ZFP1: variants seen among roughly 807,000 people sequenced by gnomAD.
ZFP1 encodes ZFP1 zinc finger protein.
ZFP1 carries 32 observed loss-of-function variants against 38.5 expected under a neutral mutation model. That is an observed-to-expected ratio of 0.83 (90% CI 0.63 to 1.12). The LOEUF is 1.12. ZFP1 is among the 50% of genes most tolerant of loss of function. The pLI, the probability that ZFP1 is intolerant of heterozygous loss-of-function variation, is 0.00. For missense variants in ZFP1, 616 were observed against 480.8 expected (o/e 1.28, Z -2.63); for synonymous variants, 245 against 168.8 (o/e 1.45, Z -3.50).
At position 75,165,399 on chromosome 16, in the gene ZFP1, C is replaced by T. The variant is rs1597077103; in HGVS notation, c.16-1371C>T. Among the ~76,000 whole-genome samples the T allele has an allele frequency of 3.9e-5, 6 of 152,130 alleles. No individual in the cohort carries two copies. The South Asian group carries it at 1.2e-3, about 32-fold the overall frequency. On this transcript the variant is annotated intron_variant, in intron 2 of 3. Coordinates refer to ENST00000570010, the MANE Select transcript of ZFP1 (RefSeq NM_153688.4). Reference sequence around the variant, plus strand: ...CTGAAGGCAATACCTGTTTTTTCCTCTGGGTTTTTTTCTGAGACAGAGTCT... The same window carrying T: ...CTGAAGGCAATACCTGTTTTTTCCTTTGGGTTTTTTTCTGAGACAGAGTCT...
the ZFP1 span, among the ~76,000 whole-genome samples, chr16:75,136,311 A>G: frequency 1.3e-5 from 2 of 152,210 alleles, no homozygotes; most frequent in Non-Finnish European, 2.9e-5. Flanking sequence ...AAGGAACTAC[A>G]TGTCAGTACT....
the ZFP1 span, among the ~76,000 whole-genome samples, chr16:75,140,954 A>G: frequency 4.0e-5 from 6 of 151,890 alleles, no homozygotes; most frequent in African/African-American, 9.7e-5. Flanking sequence ...GCAAGACTCC[A>G]TCTCAAAAAA....
chr16:75,170,130 C>G lies in ZFP1; in HGVS notation c.1020C>G (p.Ile340Met). Residue 340 changes from isoleucine (I) to methionine (M), a missense_variant, in exon 4 of 4, where the codon ATC becomes ATG. By Grantham distance (10) the Ile-to-Met change is conservative. Coordinates refer to ENST00000570010, the MANE Select transcript of ZFP1 (RefSeq NM_153688.4). ...GKSFIQNSQL[I>M]IHMRTHTGEK... is the part of the protein sequence containing the mutation. ...CCTTTATCCAGAACTCACAGCTCAT[C>G]ATACACATGAGAACTCATACAGGAG... The G allele has an allele frequency of 1.2e-6, 2 of 1,614,020 alleles. No individual in the cohort carries two copies. The highest frequency in any genetic ancestry group is 2.7e-5 in the African/African-American group (2 of 75,044).
At chr16:75,156,325 C>T (rs888439990) in intron 2 of ZFP1, among the ~76,000 whole-genome samples, 12 of 152,242 alleles carry the variant, frequency 7.9e-5, no homozygotes, top group African/African-American at 2.6e-4. Flanking sequence ...GGCGTGGTAG[C>T]ATGCGCCTGT....
At chr16:75,162,189 C>A (rs1041825532) in intron 2 of ZFP1, among the ~76,000 whole-genome samples, 2 of 152,048 alleles carry the variant, frequency 1.3e-5, no homozygotes, top group African/African-American at 4.8e-5. Flanking sequence ...GTGGTGCAAT[C>A]TCAGCTCACT....
chr16:75,153,993 C>G (rs964998634), intron 2 of ZFP1, among the ~76,000 whole-genome samples: 1 of 152,090 alleles, frequency 6.6e-6, no homozygotes, highest in Admixed American at 6.5e-5. Flanking sequence ...TAGAAATATG[C>G]ATTTAAGGTT....
chr16:75,131,146 T>C, the ZFP1 span, among the ~76,000 whole-genome samples: 2 of 152,152 alleles, frequency 1.3e-5, no homozygotes, highest in Non-Finnish European at 2.9e-5. Context: ...CTCCAGGCTT[T>C]CCACCTGGCC....
the ZFP1 span, among the ~76,000 whole-genome samples, chr16:75,120,812 G>C: frequency 6.7e-6 from 1 of 148,654 alleles, no homozygotes; most frequent in East Asian, 1.9e-4. Flanking sequence ...ATTTTTAGTA[G>C]AGACGGGTTT....
At chr16:75,124,168 T>G in the ZFP1 span, among the ~76,000 whole-genome samples, 2 of 143,476 alleles carry the variant, frequency 1.4e-5, no homozygotes, top group South Asian at 2.2e-4. Context: ...TAATTGAAAG[T>G]TTTTTTTTTT....
the ZFP1 span, among the ~76,000 whole-genome samples, chr16:75,124,793 A>G: frequency 6.7e-6 from 1 of 148,552 alleles, no homozygotes; most frequent in South Asian, 2.1e-4. Context: ...TCTCAAAAAA[A>G]AAAAAAAAAG....
chr16:75,167,660 T>C (rs2038170553), intron 3 of ZFP1, among the ~76,000 whole-genome samples: 1 of 152,166 alleles, frequency 6.6e-6, no homozygotes, highest in Non-Finnish European at 1.5e-5. Flanking sequence ...AATCCAGTGG[T>C]GACATCACGG....
At chr16:75,156,914 C>T (rs752193092) in intron 2 of ZFP1, among the ~76,000 whole-genome samples, 13 of 152,242 alleles carry the variant, frequency 8.5e-5, no homozygotes, top group Non-Finnish European at 1.2e-4. Context: ...CTCACCCAGG[C>T]ATTCTGCCCT....
chr16:75,141,477 T>C, the ZFP1 span, among the ~76,000 whole-genome samples: 1 of 151,710 alleles, frequency 6.6e-6, no homozygotes. Context: ...AGTGCTGGGA[T>C]TACAGGCGTG....
At chr16:75,120,430 A>G in the ZFP1 span, among the ~76,000 whole-genome samples, 5 of 151,928 alleles carry the variant, frequency 3.3e-5, no homozygotes, top group South Asian at 2.1e-4. Flanking sequence ...TTCTTATGCA[A>G]TCCCCAGAGT....
At chr16:75,139,838 A>G in the ZFP1 span, among the ~76,000 whole-genome samples, 1 of 152,206 alleles carries the variant, frequency 6.6e-6, no homozygotes, top group Non-Finnish European at 1.5e-5. Context: ...TCAGTTTTAC[A>G]AGATGAAAAG....
intron 3 of ZFP1, among the ~76,000 whole-genome samples, chr16:75,167,867 C>T (rs962540438): frequency 2.6e-5 from 4 of 152,218 alleles, no homozygotes; most frequent in African/African-American, 9.6e-5. Flanking sequence ...GAGGCTGAGG[C>T]GGGCAGATCA....
chr16:75,147,546 C>G (rs746052077), upstream of ZFP1, among the ~76,000 whole-genome samples: 5 of 151,820 alleles, frequency 3.3e-5, no homozygotes, highest in Non-Finnish European at 7.4e-5. Context: ...CTCAGGCTCC[C>G]AAAGTGCTAG....
the ZFP1 span, among the ~76,000 whole-genome samples, chr16:75,135,224 A>AAAAAAAAAAC: frequency 1.6e-4 from 2 of 12,682 alleles, no homozygotes; most frequent in East Asian, 1.0e-3. Flanking sequence ...AAAAAAAAAA[A>AAAAAAAAAAC]AAAAAAAAAC....
At chr16:75,160,628 C>T (rs905174754) in intron 2 of ZFP1, among the ~76,000 whole-genome samples, 1 of 142,992 alleles carries the variant, frequency 7.0e-6, no homozygotes. Context: ...CACTGCACTC[C>T]AATCTGGGTG....
Sources: gnomAD v4.1 joint callset for allele counts (sites outside exome capture counted in the v4.1 genomes callset) on GRCh38, gnomAD v4.1.1 for gene constraint, MANE v1.5 for transcripts, NCBI Gene and HGNC (gene_info 2026-07-23, HGNC 2026-07-21) for gene names.